LRRC4C: variants seen among roughly 807,000 people sequenced by gnomAD.
LRRC4C encodes leucine-rich repeat-containing protein 4C.
LRRC4C carries 5 observed loss-of-function variants against 33.6 expected under a neutral mutation model. The ratio of observed to expected loss-of-function variants is 0.15; its 90% CI spans 0.08 to 0.31. The LOEUF (loss-of-function observed/expected upper bound fraction) is 0.31. Ranked by LOEUF, LRRC4C falls within the 10% of genes least tolerant of loss-of-function variation. The pLI is 1.00. For synonymous variants in LRRC4C, 329 were observed against 302.0 expected (o/e 1.09, Z -0.93); for missense variants, 560 against 796.7 (o/e 0.70, Z 3.58).
intron 1 of LRRC4C, among the ~76,000 whole-genome samples, chr11:41,296,762 G>C (rs1298320281): frequency 6.6e-6 from 1 of 151,876 alleles, no homozygotes; most frequent in East Asian, 1.9e-4. Flanking sequence ...ACAACAACAC[G>C]ACTACTGTCT....
At chr11:40,390,949 T>C (rs2137447726) in intron 3 of LRRC4C, among the ~76,000 whole-genome samples, 1 of 152,248 alleles carries the variant, frequency 6.6e-6, no homozygotes, top group Middle Eastern at 3.4e-3. Flanking sequence ...TGGTGCAGTC[T>C]AGGCTCACTG....
intron 3 of LRRC4C, among the ~76,000 whole-genome samples, chr11:40,639,708 T>C (rs1031080618): frequency 6.6e-6 from 1 of 152,236 alleles, no homozygotes; most frequent in African/African-American, 2.4e-5. Context: ...AAATGTGTCC[T>C]GTGAAACATT....
At chr11:41,128,144 T>A (rs1347743859) in intron 1 of LRRC4C, among the ~76,000 whole-genome samples, 1 of 152,104 alleles carries the variant, frequency 6.6e-6, no homozygotes, top group African/African-American at 2.4e-5. Flanking sequence ...AACCAAATAA[T>A]TAGAAGACTA....
intron 1 of LRRC4C, among the ~76,000 whole-genome samples, chr11:41,351,041 G>T (rs1951962725): frequency 6.6e-6 from 1 of 152,084 alleles, no homozygotes; most frequent in Admixed American, 6.5e-5. Context: ...ATCAGCCTGG[G>T]CAACAGGACA....
At chr11:41,378,719 A>G (rs1953031561) in intron 1 of LRRC4C, among the ~76,000 whole-genome samples, 1 of 152,164 alleles carries the variant, frequency 6.6e-6, no homozygotes, top group Admixed American at 6.6e-5. Context: ...AATGATTCCT[A>G]TGAAGATGTA....
intron 3 of LRRC4C, among the ~76,000 whole-genome samples, chr11:40,515,886 A>G (rs183374885): frequency 6.6e-6 from 1 of 152,020 alleles, no homozygotes; most frequent in Admixed American, 6.6e-5. Flanking sequence ...TATACTATTA[A>G]ATTTATGTAG....
chr11:40,769,878 C>A (rs555109993), intron 2 of LRRC4C, among the ~76,000 whole-genome samples: 1 of 152,094 alleles, frequency 6.6e-6, no homozygotes, highest in Non-Finnish European at 1.5e-5. Flanking sequence ...TGAAACTACT[C>A]AAGTAAAACC....
At chr11:41,167,261 C>A (rs898333066) in intron 1 of LRRC4C, among the ~76,000 whole-genome samples, 4 of 152,152 alleles carry the variant, frequency 2.6e-5, no homozygotes, top group African/African-American at 9.7e-5. Flanking sequence ...AAAACACTTT[C>A]CCAGCACTAC....
intron 1 of LRRC4C, chr11:41,222,861 G>GCTGGT (rs1947369185): frequency 7.1e-6 from 1 of 140,710 alleles, no homozygotes; most frequent in African/African-American, 2.8e-5. Flanking sequence ...AAAAAAGAAT[G>GCTGGT]CTGGTCCAGG....
chr11:41,441,880 T>C (rs1175126952), intron 1 of LRRC4C, among the ~76,000 whole-genome samples: 1 of 152,202 alleles, frequency 6.6e-6, no homozygotes, highest in African/African-American at 2.4e-5. Context: ...CCAAGAGTTA[T>C]ATTAACTGGT....
chr11:41,419,905 A>G (rs1172431085), intron 1 of LRRC4C, among the ~76,000 whole-genome samples: 1 of 151,878 alleles, frequency 6.6e-6, no homozygotes, highest in Non-Finnish European at 1.5e-5. Context: ...GATGCCCTAA[A>G]TGAGTCTCTC....
chr11:40,604,024 C>T (rs536236216), intron 3 of LRRC4C, among the ~76,000 whole-genome samples: 55 of 152,046 alleles, frequency 3.6e-4, no homozygotes, highest in African/African-American at 1.3e-3. Context: ...GTAAAATATA[C>T]CCACGTATAT....
At chr11:40,678,837 G>A (rs886683653) in intron 2 of LRRC4C, among the ~76,000 whole-genome samples, 3 of 152,074 alleles carry the variant, frequency 2.0e-5, no homozygotes, top group South Asian at 2.1e-4. Context: ...GCATGAGAAC[G>A]GGATAATACA....
At chr11:40,399,672 T>G (rs958145442) in intron 3 of LRRC4C, among the ~76,000 whole-genome samples, 1 of 151,706 alleles carries the variant, frequency 6.6e-6, no homozygotes, top group Non-Finnish European at 1.5e-5. Context: ...ACCCTAAAAC[T>G]TAAAGTATAA....
chr11:41,433,331 T>C (rs1016908176), intron 1 of LRRC4C, among the ~76,000 whole-genome samples: 2 of 152,190 alleles, frequency 1.3e-5, no homozygotes, highest in Non-Finnish European at 2.9e-5. Flanking sequence ...TTGATCTCTA[T>C]GCAATTTTCA....
intron 1 of LRRC4C, among the ~76,000 whole-genome samples, chr11:41,359,967 G>A (rs1368302470): frequency 6.6e-6 from 1 of 152,162 alleles, no homozygotes; most frequent in African/African-American, 2.4e-5. Flanking sequence ...CAGATCATCC[G>A]CAGTCAGGAG....
intron 1 of LRRC4C, among the ~76,000 whole-genome samples, chr11:41,086,852 C>G (rs1940029706): frequency 6.7e-6 from 1 of 149,768 alleles, no homozygotes; most frequent in South Asian, 2.1e-4. Context: ...TAAAGCCAAA[C>G]AAGATTAATA....
At chr11:40,403,766 G>T (rs1384790794) in intron 3 of LRRC4C, among the ~76,000 whole-genome samples, 1 of 152,054 alleles carries the variant, frequency 6.6e-6, no homozygotes. Context: ...ATCTCAGAGA[G>T]AAAAAGAACA....
intron 1 of LRRC4C, among the ~76,000 whole-genome samples, chr11:41,322,226 T>G (rs531217949): frequency 9.7e-4 from 148 of 152,100 alleles, no homozygotes; most frequent in African/African-American, 3.4e-3. Context: ...CCACTTCTGA[T>G]GAAAAAAAGT....
Sources: gnomAD v4.1 joint callset for allele counts (sites outside exome capture counted in the v4.1 genomes callset) on GRCh38, gnomAD v4.1.1 for gene constraint, MANE v1.5 for transcripts, NCBI Gene and HGNC (gene_info 2026-07-23, HGNC 2026-07-21) for gene names.